The following OTC variants were observed in gnomAD, a reference collection of about 807,000 sequenced individuals.
OTC encodes the protein ornithine transcarbamylase, mitochondrial.
Under a neutral mutation model 30.3 loss-of-function variants are expected in OTC, and 3 were observed. That is an observed-to-expected ratio of 0.10 (90% CI 0.05 to 0.26). The LOEUF (loss-of-function observed/expected upper bound fraction) is 0.26, where lower values mean the gene tolerates loss of function less well. Among genes scored for constraint, OTC ranks in the 10% least tolerant of loss-of-function variants. OTC has a pLI of 1.00. For synonymous variants in OTC, 111 were observed against 99.7 expected, an observed-to-expected ratio of 1.11 and a Z score of -0.67; for missense variants, 194 against 260.3, an observed-to-expected ratio of 0.75 and a Z score of 1.75.
intron 4 of OTC, among the ~76,000 whole-genome samples, chrX:38,382,130 G>A (rs1042952348): frequency 8.9e-6 from 1 of 111,957 alleles, no homozygotes; most frequent in African/African-American, 3.2e-5. Context: ...AGGCATACTT[G>A]TTTCAAAGCC....
the OTC span, among the ~76,000 whole-genome samples, chrX:38,332,490 T>A: frequency 5.1e-5 from 2 of 39,079 alleles, no homozygotes; most frequent in Non-Finnish European, 9.9e-5. Context: ...ATAGCTATGC[T>A]GTAGCCCTAG....
upstream of OTC, among the ~76,000 whole-genome samples, chrX:38,349,958 T>C (rs1039953846): frequency 8.9e-6 from 1 of 112,060 alleles, no homozygotes; most frequent in African/African-American, 3.2e-5. Flanking sequence ...ACACTCTATT[T>C]GTTCCTTCCT....
chrX:38,374,615 C>T (rs1172597386), intron 3 of OTC, among the ~76,000 whole-genome samples: 3 of 111,364 alleles, frequency 2.7e-5, no homozygotes, highest in African/African-American at 6.5e-5. Flanking sequence ...AGCACCGTAT[C>T]GATCTTCTGT....
At chrX:38,385,685 C>T (rs2068399103) in intron 4 of OTC, among the ~76,000 whole-genome samples, 1 of 111,547 alleles carries the variant, frequency 9.0e-6, no homozygotes, top group African/African-American at 3.3e-5. Context: ...TAAAAAAGCA[C>T]CTTACAGATT....
At position 38,412,095 on chromosome X, in the gene OTC, C is replaced by T. The variant is rs1162388546; in HGVS notation, c.1005+96C>T. 3.5e-6 allele frequency: 3 copies of T among 859,518 alleles called. No individual in the cohort carries two copies. The African/African-American group carries it at 6.4e-5, about 18-fold the overall frequency. 70.8% of individuals were successfully genotyped at this position (859,518 alleles called of 1,213,427 possible). ...GAAATAATAAGCAAGTGAGATTATC[C>T]AACTACATTACTTGCTCATGTAACA... On this transcript the variant is annotated intron_variant, in intron 9 of 9. Coordinates refer to ENST00000039007, the MANE Select transcript of OTC (RefSeq NM_000531.6).
intron 3 of OTC, among the ~76,000 whole-genome samples, chrX:38,375,374 G>A (rs767384473): frequency 8.9e-5 from 10 of 111,965 alleles, no homozygotes; most frequent in Non-Finnish European, 1.7e-4. Flanking sequence ...ATTTTAAAAG[G>A]ATCCCTCTGA....
At chrX:38,350,108 A>G (rs2068207023), upstream of OTC, among the ~76,000 whole-genome samples, 1 of 110,773 alleles carries the variant, frequency 9.0e-6, no homozygotes, top group Non-Finnish European at 1.9e-5. Context: ...CCACCCCCTG[A>G]TGATAGAAGT....
At chrX:38,397,280 T>C (rs925591016) in intron 4 of OTC, among the ~76,000 whole-genome samples, 1 of 111,915 alleles carries the variant, frequency 8.9e-6, no homozygotes, top group Non-Finnish European at 1.9e-5. Flanking sequence ...TTACTACAAA[T>C]GATCACAACT....
the OTC span, among the ~76,000 whole-genome samples, chrX:38,346,834 T>G: frequency 8.9e-6 from 1 of 112,533 alleles, no homozygotes; most frequent in Non-Finnish European, 1.9e-5. Context: ...GGGAGTTTTC[T>G]GGAGTGATAC....
At chrX:38,405,163 C>T (rs537190201) in intron 6 of OTC, among the ~76,000 whole-genome samples, 8 of 111,477 alleles carry the variant, frequency 7.2e-5, no homozygotes, top group Middle Eastern at 4.6e-3. Flanking sequence ...GAGTAGATCA[C>T]CAACATCATC....
chrX:38,416,973 T>C (rs754753201), intron 9 of OTC, among the ~76,000 whole-genome samples: 14 of 112,318 alleles, frequency 1.2e-4, no homozygotes, highest in African/African-American at 4.2e-4. Context: ...CTTCTTGTCA[T>C]TCAGACATCA....
chrX:38,407,045 A>G (rs761029462), intron 6 of OTC, among the ~76,000 whole-genome samples: 1 of 112,867 alleles, frequency 8.9e-6, no homozygotes, highest in African/African-American at 3.2e-5. Context: ...GCTTATTAGC[A>G]TGTGCCCTTG....
At chrX:38,390,379 G>T (rs1400770126) in intron 4 of OTC, among the ~76,000 whole-genome samples, 1 of 112,110 alleles carries the variant, frequency 8.9e-6, no homozygotes, top group Non-Finnish European at 1.9e-5. Flanking sequence ...TTTACATTGG[G>T]GATAGAGATT....
chrX:38,371,363 C>G (rs922341386), intron 3 of OTC, among the ~76,000 whole-genome samples: 5 of 111,595 alleles, frequency 4.5e-5, no homozygotes, highest in African/African-American at 1.6e-4. Context: ...TTTTCTTTCT[C>G]TCTGCATTTC....
chrX:38,400,699 T>C (rs1158329528), intron 4 of OTC, among the ~76,000 whole-genome samples: 1 of 112,267 alleles, frequency 8.9e-6, no homozygotes, highest in Non-Finnish European at 1.9e-5. Context: ...CTCCCCACTG[T>C]GTTCTGTCAT....
At chrX:38,408,155 A>G (rs148886349) in intron 6 of OTC, among the ~76,000 whole-genome samples, 1,892 of 112,326 alleles carry the variant, frequency 0.017, 34 homozygotes, top group African/African-American at 0.058. Context: ...AGCAAAAACA[A>G]TGTATTTGTT....
intron 3 of OTC, among the ~76,000 whole-genome samples, chrX:38,372,917 C>T (rs747387572): frequency 2.9e-4 from 33 of 112,170 alleles, no homozygotes; most frequent in Non-Finnish European, 5.1e-4. Flanking sequence ...CCTCACAGGA[C>T]AGTCCTTGGC....
At chrX:38,378,173 C>T (rs1288528639) in intron 3 of OTC, among the ~76,000 whole-genome samples, 1 of 99,723 alleles carries the variant, frequency 1.0e-5, no homozygotes, top group African/African-American at 3.7e-5. Context: ...ATGACCTTCA[C>T]ACAGGAACTT....
chrX:38,375,786 G>A (rs781476008), intron 3 of OTC, among the ~76,000 whole-genome samples: 9 of 111,610 alleles, frequency 8.1e-5, no homozygotes, highest in African/African-American at 2.6e-4. Context: ...AGATATTTGA[G>A]TGTCACCAGC....
Sources: allele counts gnomAD v4.1 joint callset (sites outside exome capture counted in the v4.1 genomes callset), GRCh38; gene constraint gnomAD v4.1.1; transcripts MANE v1.5; gene names NCBI Gene and HGNC (gene_info 2026-07-23, HGNC 2026-07-21).